The following TAFA5 variants were observed in gnomAD, a reference collection of about 807,000 sequenced individuals.
The protein encoded by TAFA5 is chemokine-like protein TAFA-5.
TAFA5 carries 6 observed loss-of-function variants against 15.3 expected under a neutral mutation model. The ratio of observed to expected loss-of-function variants is 0.39; its 90% CI spans 0.21 to 0.77. The LOEUF is 0.77. Ranked by LOEUF, TAFA5 falls within the 30% of genes least tolerant of loss-of-function variation. The pLI, the probability that TAFA5 is intolerant of heterozygous loss-of-function variation, is 0.41. For synonymous variants in TAFA5, 103 were observed against 80.7 expected, an observed-to-expected ratio of 1.28 and a Z score of -1.48; for missense variants, 161 against 193.1, an observed-to-expected ratio of 0.83 and a Z score of 0.98.
chr22:48,680,048 G>A (rs948956850), intron 2 of TAFA5, among the ~76,000 whole-genome samples: 6 of 152,290 alleles, frequency 3.9e-5, no homozygotes, highest in African/African-American at 7.2e-5. Context: ...CAGAGGGCCC[G>A]GTTCAACCGG....
chr22:48,618,588 G>T (rs1008013849), intron 1 of TAFA5, among the ~76,000 whole-genome samples: 1 of 152,202 alleles, frequency 6.6e-6, no homozygotes, highest in Non-Finnish European at 1.5e-5. Context: ...TGGAGGCAGC[G>T]TGCACAGTGG....
At chr22:48,657,291 G>A (rs955789972) in intron 2 of TAFA5, among the ~76,000 whole-genome samples, 19 of 152,166 alleles carry the variant, frequency 1.2e-4, no homozygotes, top group Admixed American at 1.1e-3. Context: ...TGAAATAAAC[G>A]CATTCCTAGA....
chr22:48,681,872 G>T (rs1240204294), intron 2 of TAFA5, among the ~76,000 whole-genome samples: 1 of 56,704 alleles, frequency 1.8e-5, no homozygotes, highest in African/African-American at 4.3e-5. Flanking sequence ...GTCGTTGGGG[G>T]CTGGACATTG....
intron 1 of TAFA5, among the ~76,000 whole-genome samples, chr22:48,628,978 C>T (rs902375008): frequency 4.6e-5 from 7 of 152,130 alleles, no homozygotes; most frequent in African/African-American, 1.7e-4. Flanking sequence ...TCCCTTAGAC[C>T]TGAGTAAAGA....
intron 1 of TAFA5, among the ~76,000 whole-genome samples, chr22:48,575,012 G>C (rs1923712044): frequency 6.6e-6 from 1 of 152,134 alleles, no homozygotes; most frequent in Non-Finnish European, 1.5e-5. Context: ...GGGCAGGTGT[G>C]AGTGTGTTTG....
At chr22:48,613,522 G>T (rs981201134) in intron 1 of TAFA5, among the ~76,000 whole-genome samples, 2 of 152,176 alleles carry the variant, frequency 1.3e-5, no homozygotes, top group Non-Finnish European at 2.9e-5. Flanking sequence ...TGAGCTTGGG[G>T]TTGTCTGGAC....
intron 3 of TAFA5, among the ~76,000 whole-genome samples, chr22:48,714,174 A>C (rs1273521736): frequency 6.6e-6 from 1 of 152,234 alleles, no homozygotes; most frequent in Non-Finnish European, 1.5e-5. Context: ...CTTTTGCACC[A>C]GGGTCCCAGT....
intron 2 of TAFA5, among the ~76,000 whole-genome samples, chr22:48,696,159 C>T (rs1928705606): frequency 6.6e-6 from 1 of 152,206 alleles, no homozygotes; most frequent in African/African-American, 2.4e-5. Flanking sequence ...GCTGCCCACC[C>T]TCAGACCCCT....
At chr22:48,685,372 A>T (rs868239470) in intron 2 of TAFA5, among the ~76,000 whole-genome samples, 1 of 152,232 alleles carries the variant, frequency 6.6e-6, no homozygotes, top group Admixed American at 6.5e-5. Context: ...AAGACCTAGA[A>T]AAAGGAGATG....
intron 1 of TAFA5, among the ~76,000 whole-genome samples, chr22:48,614,489 C>G (rs1405387950): frequency 2.0e-5 from 3 of 152,222 alleles, no homozygotes; most frequent in Admixed American, 2.0e-4. Flanking sequence ...GAAAATCCCG[C>G]CTTGTACCAA....
At chr22:48,518,897 G>A (rs770584864) in intron 1 of TAFA5, among the ~76,000 whole-genome samples, 6 of 152,224 alleles carry the variant, frequency 3.9e-5, no homozygotes, top group Non-Finnish European at 8.8e-5. Flanking sequence ...AGAGGCAAGG[G>A]CTGCCCCTTC....
intron 3 of TAFA5, among the ~76,000 whole-genome samples, chr22:48,724,222 G>T (rs1191677808): frequency 6.6e-6 from 1 of 152,238 alleles, no homozygotes; most frequent in African/African-American, 2.4e-5. Flanking sequence ...TCAGGGTACT[G>T]CTTGCATTGC....
At chr22:48,507,486 A>C (rs1054236811) in intron 1 of TAFA5, among the ~76,000 whole-genome samples, 2 of 152,154 alleles carry the variant, frequency 1.3e-5, no homozygotes, top group African/African-American at 2.4e-5. Flanking sequence ...CTGGGACTTG[A>C]TTTCTCTGAA....
At chr22:48,662,627 G>C (rs1260238110) in intron 2 of TAFA5, among the ~76,000 whole-genome samples, 3 of 152,244 alleles carry the variant, frequency 2.0e-5, no homozygotes, top group Admixed American at 2.0e-4. Flanking sequence ...TGGAGCATCT[G>C]TTCTGCCCCC....
intron 1 of TAFA5, among the ~76,000 whole-genome samples, chr22:48,638,382 A>C (rs1410081164): frequency 2.0e-5 from 2 of 100,414 alleles, no homozygotes; most frequent in Admixed American, 2.5e-4. Context: ...AAGCCCTGGG[A>C]CACCGCACAC....
At chr22:48,731,716 G>C (rs934036845) in intron 3 of TAFA5, among the ~76,000 whole-genome samples, 1 of 152,162 alleles carries the variant, frequency 6.6e-6, no homozygotes, top group Non-Finnish European at 1.5e-5. Context: ...CAGAACAAAA[G>C]ATTCAAGATA....
chr22:48,551,096 G>A (rs745728637), intron 1 of TAFA5, among the ~76,000 whole-genome samples: 81 of 152,138 alleles, frequency 5.3e-4, no homozygotes, highest in Non-Finnish European at 9.1e-4. Context: ...TGGGGCACGG[G>A]GTGAGGTCCC....
At position 48,598,586 on chromosome 22, in the gene TAFA5, C is replaced by A. The variant is rs1924853220; in HGVS notation, c.113-48011C>A. On this transcript the variant is annotated intron_variant, in intron 1 of 3. Transcript: ENST00000402357. The surrounding 1 kb of genome is among the most constrained non-coding windows in gnomAD (Gnocchi z 4.0). ...CTCCATGTAGGCTGCCATGGTGTCA[C>A]CGGCTGACCTGGTTTCACTCACACT... 6.6e-6 allele frequency among the ~76,000 whole-genome samples: 1 copy of A among 152,194 alleles called. No homozygotes were observed. Among genetic ancestry groups the A allele is most frequent in the Non-Finnish European group, 1.5e-5 (1 of 68,044 alleles).
chr22:48,605,255 A>G (rs1441859193), intron 1 of TAFA5, among the ~76,000 whole-genome samples: 1 of 27,930 alleles, frequency 3.6e-5, no homozygotes, highest in African/African-American at 1.3e-4. Context: ...GATGGTGATG[A>G]GGGTGATGGT....
Sources: allele counts gnomAD v4.1 joint callset (sites outside exome capture counted in the v4.1 genomes callset), GRCh38; gene constraint gnomAD v4.1.1; non-coding constraint Gnocchi (gnomAD v3.1); transcripts MANE v1.5; gene names NCBI Gene and HGNC (gene_info 2026-07-23, HGNC 2026-07-21).